Variants in ELF1 observed in about 807,000 individuals in gnomAD.
ELF1 encodes the protein E74 like ETS transcription factor 1.
Under a neutral mutation model 59.9 loss-of-function variants are expected in ELF1, and 24 were observed. That is an observed-to-expected ratio of 0.40 (90% CI 0.29 to 0.56). The LOEUF (loss-of-function observed/expected upper bound fraction) is 0.56. ELF1 is among the 20% of genes least tolerant of loss of function. The pLI is 0.44. For synonymous variants in ELF1, 248 were observed against 266.2 expected (o/e 0.93, Z 0.67); for missense variants, 627 against 742.2 (o/e 0.84, Z 1.80).
At chr13:41,039,209 G>A (rs1281147051) in intron 1 of ELF1, among the ~76,000 whole-genome samples, 10 of 151,672 alleles carry the variant, frequency 6.6e-5, no homozygotes, top group Admixed American at 6.6e-4. Context: ...AGACCAGCCT[G>A]GGTAACACGG....
chr13:40,958,713 G>T, intron 3 of ELF1, 123 bp downstream of exon 3: 1 of 1,317,456 alleles, frequency 7.6e-7, no homozygotes, highest in Non-Finnish European at 9.9e-7. Context: ...TAGGGCTGTA[G>T]TTTCTGAAGG....
chr13:40,987,804 C>CTACA (rs1342081386), intron 1 of ELF1, among the ~76,000 whole-genome samples: 4 of 152,044 alleles, frequency 2.6e-5, no homozygotes, highest in Non-Finnish European at 5.9e-5. Context: ...AACTGGAATG[C>CTACA]TACAGTAACT....
rs551574919 is a variant in ELF1, at chr13:41,056,474, T to C, written c.-229+4364A>G. On this transcript the variant is annotated intron_variant, in intron 1 of 1. Transcript: ENST00000405737. Reference sequence around the variant, plus strand: ...AAGGTTTGGTGTGGGCATGTTTTCATTTCTACTGGGTACACACCTAGGAGT... The same window carrying C: ...AAGGTTTGGTGTGGGCATGTTTTCACTTCTACTGGGTACACACCTAGGAGT... Among the ~76,000 whole-genome samples, 14 of 152,342 alleles carry C rather than the reference T, an allele frequency of 9.2e-5. No individual in the cohort carries two copies. In the South Asian group the frequency reaches 2.9e-3, roughly 32 times the overall value.
chr13:40,991,357 TAC>T (rs1455063158), intron 1 of ELF1, among the ~76,000 whole-genome samples: 2 of 152,356 alleles, frequency 1.3e-5, no homozygotes, highest in South Asian at 2.1e-4. Flanking sequence ...CCTTTCTATT[TAC>T]AGTTTTTCTG....
intron 1 of ELF1, among the ~76,000 whole-genome samples, chr13:41,042,404 A>G (rs554360263): frequency 6.6e-6 from 1 of 151,718 alleles, no homozygotes; most frequent in Non-Finnish European, 1.5e-5. Flanking sequence ...GGTATGCTGC[A>G]TCCATTAACT....
chr13:40,995,951 A>G (rs913954254), intron 1 of ELF1, among the ~76,000 whole-genome samples: 5 of 152,216 alleles, frequency 3.3e-5, no homozygotes, highest in Admixed American at 1.3e-4. Context: ...AAGGACTGTT[A>G]TCTAAAATAT....
intron 1 of ELF1, among the ~76,000 whole-genome samples, chr13:41,056,499 T>A (rs989432373): frequency 1.3e-5 from 2 of 152,120 alleles, no homozygotes; most frequent in African/African-American, 4.8e-5. Context: ...CACCTAGGAG[T>A]GGAAATACTG....
At chr13:41,027,662 A>G (rs992643292) in intron 1 of ELF1, among the ~76,000 whole-genome samples, 1 of 152,170 alleles carries the variant, frequency 6.6e-6, no homozygotes, top group Admixed American at 6.5e-5. Context: ...TCCTGCACAC[A>G]ATGCTTCTCC....
chr13:41,057,151 CT>C (rs11358975), intron 1 of ELF1, among the ~76,000 whole-genome samples: 117,031 of 131,568 alleles, frequency 0.89, 52,101 homozygotes, highest in Non-Finnish European at 0.92. Flanking sequence ...ACTTTCACGT[CT>C]TTTTTTTTTT....
At position 40,950,057 on chromosome 13, in the gene ELF1, T is replaced by C. The variant is rs1196990786; in HGVS notation, c.362-84A>G. The C allele has an allele frequency of 3.4e-6, 4 of 1,191,490 alleles. No homozygotes were observed. The East Asian group carries it at 7.9e-5, about 23-fold the overall frequency. The allele number at this position is 1,191,490 out of a possible 1,614,324, so 73.8% of individuals were successfully genotyped here. Reference sequence around the variant, plus strand: ...TTGAGAAAATTTCTTGTTTCTATTATGACTAGAAGATTAAAGTAGAAATAA... The same window carrying C: ...TTGAGAAAATTTCTTGTTTCTATTACGACTAGAAGATTAAAGTAGAAATAA... On this transcript the variant is annotated intron_variant, in intron 4 of 8. Coordinates refer to ENST00000239882, the MANE Select transcript of ELF1 (RefSeq NM_172373.4).
intron 1 of ELF1, among the ~76,000 whole-genome samples, chr13:41,028,371 G>A (rs1876025983): frequency 6.6e-6 from 1 of 152,136 alleles, no homozygotes; most frequent in African/African-American, 2.4e-5. Context: ...TAAGTCAACG[G>A]GAAACTACAA....
chr13:40,991,180 A>C (rs1873834757), intron 1 of ELF1, among the ~76,000 whole-genome samples: 1 of 152,248 alleles, frequency 6.6e-6, no homozygotes, highest in East Asian at 1.9e-4. Context: ...GAACTGTCAC[A>C]ACTAAGAGAA....
intron 2 of ELF1, among the ~76,000 whole-genome samples, chr13:40,978,152 G>C (rs1330522755): frequency 6.6e-6 from 1 of 152,120 alleles, no homozygotes; most frequent in Non-Finnish European, 1.5e-5. Context: ...GGCCGAGGCA[G>C]GCAGATCCCG....
At chr13:40,991,103 C>A (rs953724295) in intron 1 of ELF1, among the ~76,000 whole-genome samples, 3 of 152,144 alleles carry the variant, frequency 2.0e-5, no homozygotes, top group Admixed American at 6.5e-5. Flanking sequence ...CAAATCTCCA[C>A]AGAGGGACAT....
Position 40,982,238 on chromosome 13 carries a change from T to C in ELF1, c.-184A>G, listed in dbSNP as rs541822360. On this transcript the variant is annotated 5_prime_UTR_variant, in exon 2 of 9. Transcript: ENST00000239882. The stretch of plus-strand genomic sequence containing the variant: ...CTGGTTCATTGATATTCTAGTCAAA[T>C]TGAGACAATTTTTCTGAAATTTTTC... The C allele has an allele frequency of 1.3e-5, 16 of 1,277,914 alleles. No homozygotes were observed. The highest frequency in any genetic ancestry group is 5.5e-5 in the South Asian group (2 of 36,554). The allele number at this position is 1,277,914 out of a possible 1,614,324, so 79.2% of individuals were successfully genotyped here.
upstream of ELF1, among the ~76,000 whole-genome samples, chr13:41,023,606 G>A (rs1164049855): frequency 1.3e-5 from 2 of 152,292 alleles, no homozygotes; most frequent in East Asian, 1.9e-4. Context: ...GAGCTTAAAC[G>A]TAAAACACAG....
At chr13:40,962,054 C>T (rs567853854) in intron 2 of ELF1, among the ~76,000 whole-genome samples, 61 of 152,330 alleles carry the variant, frequency 4.0e-4, no homozygotes, top group South Asian at 3.1e-3. Context: ...ATACTTGTTA[C>T]TACTTTATTC....
At chr13:41,006,879 A>G (rs1593391935) in intron 1 of ELF1, among the ~76,000 whole-genome samples, 1 of 152,206 alleles carries the variant, frequency 6.6e-6, no homozygotes, top group East Asian at 1.9e-4. Flanking sequence ...TACATTTTGT[A>G]TAGTATATTT....
chr13:40,977,126 T>C (rs1872960776), intron 2 of ELF1, among the ~76,000 whole-genome samples: 1 of 152,132 alleles, frequency 6.6e-6, no homozygotes, highest in African/African-American at 2.4e-5. Flanking sequence ...AGCATTAAAC[T>C]ATGCCGGCTG....
Sources: allele counts gnomAD v4.1 joint callset (sites outside exome capture counted in the v4.1 genomes callset), GRCh38; gene constraint gnomAD v4.1.1; transcripts MANE v1.5; gene names NCBI Gene and HGNC (gene_info 2026-07-23, HGNC 2026-07-21).